The following TMC1 variants were observed in gnomAD, a reference collection of about 807,000 sequenced individuals.
TMC1 encodes transmembrane channel like 1, also known as transmembrane channel-like protein 1.
A neutral mutation model predicts 105.8 loss-of-function variants in TMC1; 84 were observed. The ratio of observed to expected loss-of-function variants is 0.79; its 90% confidence interval spans 0.67 to 0.95. The LOEUF (loss-of-function observed/expected upper bound fraction) is 0.95, where lower values mean the gene tolerates loss of function less well. TMC1 is among the 40% of genes least tolerant of loss of function. The pLI is 0.00. For synonymous variants in TMC1, 315 were observed against 311.5 expected, an observed-to-expected ratio of 1.01 and a Z score of -0.12; for missense variants, 817 against 914.1, an observed-to-expected ratio of 0.89 and a Z score of 1.37.
At chr9:72,829,401 A>G (rs1224358574) in intron 21 of TMC1, among the ~76,000 whole-genome samples, 1 of 152,200 alleles carries the variant, frequency 6.6e-6, no homozygotes, top group African/African-American at 2.4e-5. Flanking sequence ...ATGGTGGATA[A>G]ATAGAGAATT....
chr9:72,742,381 G>C (rs1485662614), intron 9 of TMC1, 63 bp from the exon 10 acceptor site: 1 of 1,276,470 alleles, frequency 7.8e-7, no homozygotes, highest in Non-Finnish European at 1.1e-6. Context: ...TTTGAGGTGG[G>C]GGATAAACAT....
chr9:72,756,052 T>C (rs1464282035), intron 12 of TMC1, among the ~76,000 whole-genome samples: 1 of 152,114 alleles, frequency 6.6e-6, no homozygotes, highest in Non-Finnish European at 1.5e-5. Flanking sequence ...TTAAGAAAAG[T>C]TTCCCATCTC....
At chr9:72,602,730 C>A (rs1348750487) in intron 2 of TMC1, among the ~76,000 whole-genome samples, 1 of 152,132 alleles carries the variant, frequency 6.6e-6, no homozygotes, top group Non-Finnish European at 1.5e-5. Flanking sequence ...GACTTTGGAA[C>A]CCTGAGAACA....
chr9:72,627,910 TCATA>T lies in TMC1; in HGVS notation c.-195-10_-195-7del. 3 of 388,058 alleles carry T rather than the reference TCATA, an allele frequency of 7.7e-6. No individual in the cohort carries two copies. Among genetic ancestry groups the T allele is most frequent in the Non-Finnish European group, 1.5e-5 (3 of 198,918 alleles). The allele number at this position is 388,058 out of a possible 1,614,324, so 24.0% of individuals were successfully genotyped here. On this transcript the variant is annotated splice_polypyrimidine_tract_variant and splice_region_variant and intron_variant, in intron 3 of 23. Transcript: ENST00000297784. Reference sequence around the variant, plus strand: ...AAATCTGTATTGGATTTTTTTTTTTTCATATTTTAGGATGCCAGAAGCCTCAAAA... The same window carrying T: ...AAATCTGTATTGGATTTTTTTTTTTTTTTTAGGATGCCAGAAGCCTCAAAA...
rs1485827117 is a variant in TMC1 at position 72,822,558 on chromosome 9, GTGTT to G, written c.2003+1479_2003+1482del. ...TGTGTGTGTGTGTGTGTGTGTGTGTGTGTTTCCAAGTGGGCTGAAATAAATAATG... is the reference window on the plus strand; with the variant it reads ...TGTGTGTGTGTGTGTGTGTGTGTGTGTCCAAGTGGGCTGAAATAAATAATG... On this transcript the variant is annotated intron_variant, in intron 20 of 23. Coordinates refer to ENST00000297784, the MANE Select transcript of TMC1 (RefSeq NM_138691.3). 2.8e-4 allele frequency among the ~76,000 whole-genome samples: 41 copies of G among 147,198 alleles called. 1 individual carries two copies. The South Asian group carries it at 8.9e-3, about 32-fold the overall frequency.
chr9:72,752,020 C>T (rs1827588393), intron 11 of TMC1, 64 bp downstream of exon 11: 1 of 1,055,430 alleles, frequency 9.5e-7, no homozygotes, highest in South Asian at 1.3e-5. Context: ...AAGTATTTAT[C>T]TCTTCTTTAA....
chr9:72,775,092 T>G (rs1827986174), intron 13 of TMC1, among the ~76,000 whole-genome samples: 1 of 152,168 alleles, frequency 6.6e-6, no homozygotes, highest in African/African-American at 2.4e-5. Context: ...TTTGAAATTT[T>G]AAGATAAGAT....
intron 2 of TMC1, among the ~76,000 whole-genome samples, chr9:72,609,038 A>T (rs1166791900): frequency 6.6e-6 from 1 of 152,016 alleles, no homozygotes. Flanking sequence ...TCATCTGCTA[A>T]TATTCTCTTC....
chr9:72,716,021 G>C (rs570570398), intron 8 of TMC1, among the ~76,000 whole-genome samples: 2 of 152,166 alleles, frequency 1.3e-5, no homozygotes, highest in Non-Finnish European at 2.9e-5. Context: ...AGGCCCCTCT[G>C]CTGCAGGTCT....
intron 1 of TMC1, among the ~76,000 whole-genome samples, chr9:72,535,865 C>A (rs1292065768): frequency 6.6e-6 from 1 of 152,134 alleles, no homozygotes; most frequent in African/African-American, 2.4e-5. Flanking sequence ...CTCATGGGAA[C>A]TAATACAGTG....
chr9:72,794,170 G>A (rs902414070), intron 17 of TMC1, among the ~76,000 whole-genome samples: 1 of 151,992 alleles, frequency 6.6e-6, no homozygotes, highest in South Asian at 2.1e-4. Flanking sequence ...AGGAGTAATT[G>A]CTGACCTGCA....
chr9:72,539,220 AAAAAATAC>A (rs1823636061), intron 1 of TMC1, among the ~76,000 whole-genome samples: 1 of 99,976 alleles, frequency 1.0e-5, no homozygotes, highest in Non-Finnish European at 1.9e-5. Context: ...CCATCTCTAC[AAAAAATAC>A]AAAAAAAAAA....
At chr9:72,678,396 T>G (rs1046121859) in intron 5 of TMC1, among the ~76,000 whole-genome samples, 1 of 152,064 alleles carries the variant, frequency 6.6e-6, no homozygotes, top group Non-Finnish European at 1.5e-5. Context: ...ATTATATTAT[T>G]TAAGAATATG....
intron 2 of TMC1, among the ~76,000 whole-genome samples, chr9:72,605,839 A>C (rs969047956): frequency 6.6e-6 from 1 of 151,898 alleles, no homozygotes; most frequent in African/African-American, 2.4e-5. Context: ...TCCTCCCAAA[A>C]TGTTGGGATT....
At chr9:72,621,345 G>A (rs182348997) in intron 3 of TMC1, among the ~76,000 whole-genome samples, 113 of 152,260 alleles carry the variant, frequency 7.4e-4, no homozygotes, top group African/African-American at 2.6e-3. Flanking sequence ...TGCCTTACAC[G>A]TAATTACTGA....
At chr9:72,830,779 T>C in intron 23 of TMC1, 97 bp downstream of exon 23, 1 of 1,051,364 alleles carries the variant, frequency 9.5e-7, no homozygotes, top group Admixed American at 2.3e-5. Context: ...GGATGGTGAG[T>C]GGCATTATTG....
rs114112060 is a variant in TMC1, at chr9:72,651,864, A to G, written c.16+3200A>G. Among the ~76,000 whole-genome samples, 932 of 152,168 alleles carry G rather than the reference A, an allele frequency of 6.1e-3. 11 individuals carry two copies. The highest frequency in any genetic ancestry group is 0.021 in the African/African-American group (890 of 41,512). ...GAGATTTTGGTGCACCTATCACCTA[A>G]GCAGGGTACACTATGCCCAATGTGT... On this transcript the variant is annotated intron_variant, in intron 5 of 23. Transcript: ENST00000297784.
intron 18 of TMC1, among the ~76,000 whole-genome samples, chr9:72,812,800 C>A (rs1828726864): frequency 6.6e-6 from 1 of 152,232 alleles, no homozygotes; most frequent in African/African-American, 2.4e-5. Flanking sequence ...AGAATTAATT[C>A]TCTCTGAGAT....
rs538997796 is a variant in TMC1 at position 72,577,142 on chromosome 9, C to G, written c.-427-760C>G. ...TGTTTCAAGTCAAATCCGCTGATTA[C>G]TCCTCCAAAATTCTTTTCTTAATAA... On this transcript the variant is annotated intron_variant, in intron 1 of 23. Coordinates refer to ENST00000297784, the MANE Select transcript of TMC1 (RefSeq NM_138691.3). Among the ~76,000 whole-genome samples the G allele has an allele frequency of 7.8e-4, 119 of 152,264 alleles. 1 individual carries two copies. Among genetic ancestry groups the G allele is most frequent in the African/African-American group, 2.8e-3 (117 of 41,544 alleles).
Sources: allele counts gnomAD v4.1 joint callset (sites outside exome capture counted in the v4.1 genomes callset), GRCh38; gene constraint gnomAD v4.1.1; transcripts MANE v1.5; gene names NCBI Gene and HGNC (gene_info 2026-07-23, HGNC 2026-07-21).